The following CTNNA3 variants were observed in gnomAD, a reference collection of about 807,000 sequenced individuals.
CTNNA3 encodes the protein catenin alpha-3.
Under a neutral mutation model 95.7 loss-of-function variants are expected in CTNNA3, and 76 were observed. The ratio of observed to expected loss-of-function variants is 0.79; its 90% CI spans 0.66 to 0.96. The LOEUF (loss-of-function observed/expected upper bound fraction) is 0.96. Ranked by LOEUF, CTNNA3 falls within the 40% of genes least tolerant of loss-of-function variation. The pLI is 0.00. For synonymous variants in CTNNA3, 431 were observed against 374.4 expected (o/e 1.15, Z -1.74); for missense variants, 1,191 against 1,089.8 (o/e 1.09, Z -1.31).
At chr10:67,728,129 C>G (rs1392235731) in intron 1 of CTNNA3, among the ~76,000 whole-genome samples, 1 of 142,570 alleles carries the variant, frequency 7.0e-6, no homozygotes. Flanking sequence ...ATATATAACA[C>G]ATATATGTAT....
At chr10:66,616,400 C>T (rs973512709) in intron 10 of CTNNA3, among the ~76,000 whole-genome samples, 1 of 152,034 alleles carries the variant, frequency 6.6e-6, no homozygotes, top group African/African-American at 2.4e-5. Flanking sequence ...TGTATTTTGC[C>T]CCTCGGGGCC....
intron 13 of CTNNA3, among the ~76,000 whole-genome samples, chr10:66,219,236 G>A (rs71493968): frequency 0.085 from 12,905 of 152,086 alleles, 785 homozygotes; most frequent in Non-Finnish European, 0.14. Flanking sequence ...GGTGGGTGGC[G>A]AGGGGCCTTG....
At chr10:67,642,675 C>T (rs1839576513) in intron 2 of CTNNA3, among the ~76,000 whole-genome samples, 1 of 152,008 alleles carries the variant, frequency 6.6e-6, no homozygotes. Context: ...TGAGATCATG[C>T]CACTGCACTC....
chr10:66,217,838 G>T (rs1196683889), intron 13 of CTNNA3, among the ~76,000 whole-genome samples: 1 of 152,132 alleles, frequency 6.6e-6, no homozygotes, highest in Non-Finnish European at 1.5e-5. Flanking sequence ...GAGATAGCGG[G>T]AGGTCCAGCG....
At chr10:67,016,187 T>C (rs970034290) in intron 7 of CTNNA3, among the ~76,000 whole-genome samples, 2 of 152,180 alleles carry the variant, frequency 1.3e-5, no homozygotes, top group South Asian at 4.1e-4. Context: ...GTTCCCTTTC[T>C]GATCGCTACT....
intron 1 of CTNNA3, among the ~76,000 whole-genome samples, chr10:67,726,792 G>C: frequency 8.1e-5 from 1 of 12,288 alleles, no homozygotes. Context: ...AAATATATAT[G>C]ATATTATATA....
intron 12 of CTNNA3, among the ~76,000 whole-genome samples, chr10:66,366,914 G>A (rs561068175): frequency 8.5e-5 from 13 of 152,096 alleles, no homozygotes; most frequent in Non-Finnish European, 1.5e-4. Flanking sequence ...AAATAAATGA[G>A]TTATAACTAC....
intron 6 of CTNNA3, among the ~76,000 whole-genome samples, chr10:67,219,026 CA>C (rs1455778483): frequency 6.6e-6 from 1 of 152,180 alleles, no homozygotes; most frequent in Non-Finnish European, 1.5e-5. Flanking sequence ...TTGCTGTCTT[CA>C]CCTAGACACC....
At position 66,931,526 on chromosome 10, in the gene CTNNA3, T is replaced by C. The variant is rs151031436; in HGVS notation, c.1048-156002A>G. Among the ~76,000 whole-genome samples, 741 of 152,336 alleles carry C rather than the reference T, an allele frequency of 4.9e-3. 1 individual carries two copies. Among genetic ancestry groups the C allele is most frequent in the Non-Finnish European group, 8.7e-3 (589 of 68,020 alleles). Reference sequence around the variant, plus strand: ...CTACCTAAGTAGACAGGCAGTAAATTGTCTTTCTATGGAGCAGCAGTGACC... The same window carrying C: ...CTACCTAAGTAGACAGGCAGTAAATCGTCTTTCTATGGAGCAGCAGTGACC... On this transcript the variant is annotated intron_variant, in intron 7 of 17. Coordinates refer to ENST00000433211, the MANE Select transcript of CTNNA3 (RefSeq NM_013266.4).
chr10:66,926,503 T>G, intron 7 of CTNNA3: 1 of 1,541,420 alleles, frequency 6.5e-7, no homozygotes, highest in Non-Finnish European at 8.9e-7. Flanking sequence ...CTCACTACAG[T>G]GCAGCTGACA....
At chr10:67,663,857 A>G (rs556534138) in intron 1 of CTNNA3, among the ~76,000 whole-genome samples, 1 of 152,276 alleles carries the variant, frequency 6.6e-6, no homozygotes, top group East Asian at 1.9e-4. Context: ...GTTCACTTAG[A>G]CAAGCCCAGT....
At chr10:67,213,007 T>C (rs1476971972) in intron 6 of CTNNA3, among the ~76,000 whole-genome samples, 1 of 151,402 alleles carries the variant, frequency 6.6e-6, no homozygotes, top group Admixed American at 6.6e-5. Flanking sequence ...CTCAGGACAC[T>C]GCTGTAGAAA....
intron 6 of CTNNA3, among the ~76,000 whole-genome samples, chr10:67,208,211 A>C (rs749489837): frequency 2.0e-4 from 30 of 151,398 alleles, no homozygotes; most frequent in Non-Finnish European, 3.4e-4. Context: ...TCTCTACTAA[A>C]AACACACACA....
chr10:66,475,068 C>T (rs373939696), intron 11 of CTNNA3, among the ~76,000 whole-genome samples: 3 of 151,832 alleles, frequency 2.0e-5, no homozygotes, highest in Middle Eastern at 3.2e-3. Flanking sequence ...GACTTGGATA[C>T]CCATGTCTTC....
chr10:66,615,602 C>A (rs1477225567), intron 10 of CTNNA3, among the ~76,000 whole-genome samples: 1 of 151,720 alleles, frequency 6.6e-6, no homozygotes, highest in African/African-American at 2.4e-5. Context: ...CTATTATCTA[C>A]TTTATTATTT....
chr10:66,937,484 C>T (rs1925573), intron 7 of CTNNA3, among the ~76,000 whole-genome samples: 1 of 152,140 alleles, frequency 6.6e-6, no homozygotes, highest in Admixed American at 6.6e-5. Context: ...CTCAGTACCA[C>T]AATGCGCTTT....
At chr10:67,225,819 T>C (rs928469181) in intron 5 of CTNNA3, among the ~76,000 whole-genome samples, 3 of 152,138 alleles carry the variant, frequency 2.0e-5, no homozygotes, top group African/African-American at 7.2e-5. Context: ...CAAGGCTCTT[T>C]AGCACCCCCA....
chr10:67,497,209 T>G (rs775094487), intron 5 of CTNNA3, among the ~76,000 whole-genome samples: 5 of 152,212 alleles, frequency 3.3e-5, no homozygotes, highest in Admixed American at 6.5e-5. Flanking sequence ...TGTAATAGTT[T>G]GCTGAGAATA....
chr10:67,615,698 C>T (rs911741719), intron 2 of CTNNA3, among the ~76,000 whole-genome samples: 14 of 145,712 alleles, frequency 9.6e-5, no homozygotes, highest in African/African-American at 3.6e-4. Context: ...AGCCTCACTC[C>T]ATCACCCAGG....
Sources: allele counts gnomAD v4.1 joint callset (sites outside exome capture counted in the v4.1 genomes callset), GRCh38; gene constraint gnomAD v4.1.1; transcripts MANE v1.5; gene names NCBI Gene and HGNC (gene_info 2026-07-23, HGNC 2026-07-21).